GRAMD1C: variants seen among roughly 807,000 people sequenced by gnomAD.
GRAMD1C encodes GRAM domain containing 1C, also known as protein Aster-C.
GRAMD1C carries 89 observed loss-of-function variants against 97.8 expected under a neutral mutation model. That is an observed-to-expected ratio of 0.91 (90% confidence interval 0.77 to 1.09). GRAMD1C has a LOEUF of 1.09. GRAMD1C is among the 50% of genes least tolerant of loss of function. GRAMD1C has a pLI of 0.00. For missense variants in GRAMD1C, 740 were observed against 766.4 expected, an observed-to-expected ratio of 0.97 and a Z score of 0.41; for synonymous variants, 256 against 267.0, an observed-to-expected ratio of 0.96 and a Z score of 0.40.
At chr3:113,936,536 CT>C in intron 14 of GRAMD1C, 94 bp downstream of exon 14, 1 of 732,954 alleles carries the variant, frequency 1.4e-6, no homozygotes, top group Non-Finnish European at 2.3e-6. Flanking sequence ...GTCAGGAGGT[CT>C]CCTTTTCTTC....
At chr3:113,893,649 A>G (rs918899101) in intron 6 of GRAMD1C, among the ~76,000 whole-genome samples, 2 of 152,240 alleles carry the variant, frequency 1.3e-5, no homozygotes, top group African/African-American at 2.4e-5. Flanking sequence ...TCTTTACCAC[A>G]TAGCTGGTTT....
intron 6 of GRAMD1C, among the ~76,000 whole-genome samples, chr3:113,884,841 A>G (rs1935391349): frequency 6.6e-6 from 1 of 150,612 alleles, no homozygotes. Context: ...TGTCTCAAAA[A>G]AAAGAAAAAA....
chr3:113,913,741 G>A (rs1272095898), intron 9 of GRAMD1C, among the ~76,000 whole-genome samples: 2 of 152,076 alleles, frequency 1.3e-5, no homozygotes, highest in Non-Finnish European at 2.9e-5. Flanking sequence ...CCCTAAGCAC[G>A]TTCCAAAATC....
chr3:113,873,765 C>T (rs931402236), intron 3 of GRAMD1C, among the ~76,000 whole-genome samples: 16 of 152,108 alleles, frequency 1.1e-4, no homozygotes, highest in Admixed American at 2.6e-4. Context: ...GTGATCTGCC[C>T]GCCTTGGCCT....
intron 2 of GRAMD1C, among the ~76,000 whole-genome samples, chr3:113,859,626 A>C (rs972528057): frequency 6.6e-6 from 1 of 152,214 alleles, no homozygotes; most frequent in Non-Finnish European, 1.5e-5. Flanking sequence ...ATGTACTGTT[A>C]CTGAAACAGA....
At chr3:113,898,570 A>G (rs958984904) in intron 6 of GRAMD1C, among the ~76,000 whole-genome samples, 5 of 152,150 alleles carry the variant, frequency 3.3e-5, no homozygotes, top group Non-Finnish European at 5.9e-5. Flanking sequence ...CTCTACCACT[A>G]ATGGTCCTTT....
At chr3:113,897,778 G>A in intron 6 of GRAMD1C, 1 of 984,186 alleles carries the variant, frequency 1.0e-6, no homozygotes. Context: ...AAACTACTCT[G>A]TAGGCTGAAA....
At chr3:113,930,931 AGTGG>A in intron 11 of GRAMD1C, 99 bp downstream of exon 11, 1 of 633,492 alleles carries the variant, frequency 1.6e-6, no homozygotes, top group African/African-American at 1.8e-5. Flanking sequence ...TCAATAAACA[AGTGG>A]CAAGAAAAAA....
At chr3:113,838,443 G>T (rs141245015), upstream of GRAMD1C, 429 of 154,796 alleles carry the variant, frequency 2.8e-3, 1 homozygote, top group African/African-American at 9.8e-3. Context: ...GTGGTGGCAG[G>T]CGCCTGTAAC....
At chr3:113,924,330 G>A (rs1477602418) in intron 10 of GRAMD1C, among the ~76,000 whole-genome samples, 2 of 151,834 alleles carry the variant, frequency 1.3e-5, no homozygotes, top group African/African-American at 4.8e-5. Context: ...GGGTTGATTT[G>A]CTCTTGTTTT....
At chr3:113,875,934 A>G (rs1559789528) in intron 4 of GRAMD1C, 2 of 440,876 alleles carry the variant, frequency 4.5e-6, no homozygotes, top group East Asian at 3.7e-5. Context: ...TTCAAACTTT[A>G]TACTAATGTT....
intron 7 of GRAMD1C, among the ~76,000 whole-genome samples, chr3:113,903,878 G>A (rs775261186): frequency 2.0e-5 from 3 of 151,908 alleles, no homozygotes; most frequent in Admixed American, 1.3e-4. Flanking sequence ...TTACTGTTAC[G>A]GCCATTTGTA....
rs145526345 is a variant in GRAMD1C, at chr3:113,888,822, T to C, written c.540+5990T>C. ...ATAGATCTGTTCTTGCAAAAACTTGTACCCCAATGTTCATAGCAGCATTTA... is the reference window on the plus strand; with the variant it reads ...ATAGATCTGTTCTTGCAAAAACTTGCACCCCAATGTTCATAGCAGCATTTA... On this transcript the variant is annotated intron_variant, in intron 6 of 17. Coordinates refer to ENST00000358160, the MANE Select transcript of GRAMD1C (RefSeq NM_017577.5). 4.0e-3 allele frequency among the ~76,000 whole-genome samples: 604 copies of C among 152,362 alleles called. 4 individuals carry two copies. The highest frequency in any genetic ancestry group is 0.014 in the African/African-American group (586 of 41,586).
At chr3:113,853,144 A>G (rs1364815457) in intron 2 of GRAMD1C, among the ~76,000 whole-genome samples, 1 of 152,242 alleles carries the variant, frequency 6.6e-6, no homozygotes, top group Non-Finnish European at 1.5e-5. Flanking sequence ...CAAGAACACC[A>G]GGCAGATTTG....
intron 2 of GRAMD1C, among the ~76,000 whole-genome samples, chr3:113,862,477 A>T (rs1244555096): frequency 6.6e-6 from 1 of 152,200 alleles, no homozygotes; most frequent in African/African-American, 2.4e-5. Flanking sequence ...GTTTAAGGTT[A>T]TCTCTCTTGT....
At chr3:113,933,842 G>A (rs908116457) in intron 12 of GRAMD1C, among the ~76,000 whole-genome samples, 189 bp downstream of exon 12, 7 of 152,170 alleles carry the variant, frequency 4.6e-5, no homozygotes, top group East Asian at 1.9e-4. Flanking sequence ...TTTGACACCC[G>A]GAGCTACGTG....
At chr3:113,909,217 A>G in intron 9 of GRAMD1C, 97 bp downstream of exon 9, 1 of 560,530 alleles carries the variant, frequency 1.8e-6, no homozygotes, top group Non-Finnish European at 3.0e-6. Context: ...TAGTTTTATT[A>G]GACACAGTCT....
At chr3:113,903,597 A>G (rs1056545015) in intron 7 of GRAMD1C, among the ~76,000 whole-genome samples, 3 of 152,140 alleles carry the variant, frequency 2.0e-5, no homozygotes, top group Non-Finnish European at 4.4e-5. Flanking sequence ...TCTTGGCCAT[A>G]TGATCATTTG....
intron 2 of GRAMD1C, among the ~76,000 whole-genome samples, chr3:113,855,576 G>A (rs1049156168): frequency 2.1e-4 from 32 of 150,154 alleles, no homozygotes; most frequent in African/African-American, 6.9e-4. Context: ...ATGGTGGTGC[G>A]CGCCTGTAAT....
Sources: gnomAD v4.1 joint callset for allele counts (sites outside exome capture counted in the v4.1 genomes callset) on GRCh38, gnomAD v4.1.1 for gene constraint, MANE v1.5 for transcripts, NCBI Gene and HGNC (gene_info 2026-07-23, HGNC 2026-07-21) for gene names.